CATSPERE: variants seen among roughly 807,000 people sequenced by gnomAD.
CATSPERE encodes cation channel sperm-associated auxiliary subunit epsilon.
CATSPERE carries 93 observed loss-of-function variants against 114.1 expected under a neutral mutation model. The observed-to-expected ratio is 0.81, with a 90% CI of 0.69 to 0.97. The LOEUF is 0.97. Ranked by LOEUF, CATSPERE falls within the 50% of genes least tolerant of loss-of-function variation. The pLI is 0.00. For synonymous variants in CATSPERE, 341 were observed against 384.1 expected, an observed-to-expected ratio of 0.89 and a Z score of 1.31; for missense variants, 1,058 against 1,131.6, an observed-to-expected ratio of 0.93 and a Z score of 0.93.
intron 17 of CATSPERE, among the ~76,000 whole-genome samples, chr1:244,599,608 T>G (rs1421413117): frequency 6.6e-6 from 1 of 152,218 alleles, no homozygotes; most frequent in African/African-American, 2.4e-5. Context: ...GAAAACAAAG[T>G]CAAAGCACAT....
At chr1:244,549,666 T>C (rs12080312) in intron 8 of CATSPERE, among the ~76,000 whole-genome samples, 8,958 of 152,240 alleles carry the variant, frequency 0.059, 905 homozygotes, top group African/African-American at 0.2. Context: ...TTGTACCATG[T>C]TAGGTACAAT....
chr1:244,560,469 C>T, intron 9 of CATSPERE, among the ~76,000 whole-genome samples, 199 bp from the exon 10 acceptor site: 1 of 152,008 alleles, frequency 6.6e-6, no homozygotes, highest in East Asian at 1.9e-4. Flanking sequence ...ACAGTGTACA[C>T]TGCTCAGGTG....
At chr1:244,451,688 C>T, upstream of CATSPERE, 3 of 1,612,876 alleles carry the variant, frequency 1.9e-6, no homozygotes, top group Non-Finnish European at 2.5e-6. The surrounding 1 kb of genome is among the most constrained non-coding windows in gnomAD (Gnocchi z 6.6). Context: ...ACCACCTTCC[C>T]TTTGCCTTCG....
At chr1:244,510,761 T>C (rs1675564152) in intron 7 of CATSPERE, among the ~76,000 whole-genome samples, 1 of 151,808 alleles carries the variant, frequency 6.6e-6, no homozygotes, top group Non-Finnish European at 1.5e-5. Flanking sequence ...TTAGATGTAA[T>C]TATATTTGCT....
intron 8 of CATSPERE, among the ~76,000 whole-genome samples, chr1:244,531,968 TGCTGG>T (rs955613153): frequency 2.0e-5 from 3 of 152,190 alleles, no homozygotes; most frequent in African/African-American, 7.2e-5. Flanking sequence ...GGCTTTTCTT[TGCTGG>T]GAGACTTTTT....
upstream of CATSPERE, among the ~76,000 whole-genome samples, chr1:244,458,726 C>T (rs1020714632): frequency 6.6e-6 from 1 of 152,178 alleles, no homozygotes; most frequent in Non-Finnish European, 1.5e-5. Flanking sequence ...AATTTGGAAA[C>T]TATTTGTGAA....
chr1:244,483,048 T>G lies in CATSPERE; in HGVS notation c.326+3264T>G, dbSNP rs577286194. Among the ~76,000 whole-genome samples, 3 of 152,346 alleles carry G rather than the reference T, an allele frequency of 2.0e-5. No individual in the cohort carries two copies. In the East Asian group the frequency reaches 5.8e-4, roughly 29 times the overall value. On this transcript the variant is annotated intron_variant, in intron 5 of 21. Transcript: ENST00000366534. Reference sequence around the variant, plus strand: ...TTCATTGTGACTGCTCTATGGTATTTCATTGTATGACTCTGTTCATTCTGC... The same window carrying G: ...TTCATTGTGACTGCTCTATGGTATTGCATTGTATGACTCTGTTCATTCTGC...
chr1:244,529,867 T>C (rs1679311120), intron 8 of CATSPERE, among the ~76,000 whole-genome samples: 1 of 152,158 alleles, frequency 6.6e-6, no homozygotes, highest in African/African-American at 2.4e-5. Flanking sequence ...ACTTAAGTCT[T>C]TAATTCACTT....
chr1:244,562,572 T>G (rs915083887), intron 10 of CATSPERE, among the ~76,000 whole-genome samples: 2 of 152,210 alleles, frequency 1.3e-5, no homozygotes, highest in Admixed American at 6.5e-5. Context: ...ATGTATCATT[T>G]TCATAGAATC....
At position 244,583,848 on chromosome 1, in the gene CATSPERE, G is replaced by A. The variant is rs6429487; in HGVS notation, c.2010-16G>A. The A allele has an allele frequency of 0.12, 192,444 of 1,609,724 alleles. 16,692 individuals carry two copies. Among genetic ancestry groups the A allele is most frequent in the East Asian group, 0.37 (16,603 of 44,754 alleles). ...TCTCACATGATACAATAACCTGTAC[G>A]AATTGTTTCTCCTAGAGACAAGCAC... is the stretch of plus-strand genomic sequence containing the variant. On this transcript the variant is annotated splice_polypyrimidine_tract_variant and intron_variant, in intron 12 of 21. Transcript: ENST00000366534.
chr1:244,461,179 G>C (rs1666682058), upstream of CATSPERE, among the ~76,000 whole-genome samples: 2 of 151,854 alleles, frequency 1.3e-5, no homozygotes, highest in Non-Finnish European at 2.9e-5. Context: ...GGAAAGCCTG[G>C]TTCTGCCTTT....
intron 4 of CATSPERE, among the ~76,000 whole-genome samples, chr1:244,479,228 G>T (rs1462375327): frequency 1.3e-5 from 2 of 151,766 alleles, no homozygotes; most frequent in Non-Finnish European, 2.9e-5. Flanking sequence ...GAAGTAGCTG[G>T]GATTACAGGC....
chr1:244,617,589 G>A lies in CATSPERE; in HGVS notation c.2551G>A (p.Glu851Lys), dbSNP rs1008364869. 9 of 1,542,758 alleles carry A rather than the reference G, an allele frequency of 5.8e-6. No homozygotes were observed. The highest frequency in any genetic ancestry group is 4.9e-5 in the East Asian group (2 of 40,452). Residue 851 changes from glutamate (E) to lysine (K), a missense_variant, in exon 20 of 22, where the codon GAG (glutamate) becomes AAG (lysine). Transcript: ENST00000366534. ...ACCAGGAGACTTAAATCAACCATAC[G>A]AGATTATCAACAGTTCTAATGGTAA... is the stretch of plus-strand genomic sequence containing the variant. ...GKPGDLNQPYEIINSSNGNHI... is the reference protein window; with the variant it reads ...GKPGDLNQPYKIINSSNGNHI...
rs1427942051 is a variant in CATSPERE at position 244,573,441 on chromosome 1, A to ACAAAACAAAACAAAG, written c.1950+674_1950+675insCAAAACAAAGCAAAA. Among the ~76,000 whole-genome samples the ACAAAACAAAACAAAG allele has an allele frequency of 6.6e-6, 1 of 151,936 alleles. No homozygotes were observed. Among genetic ancestry groups the ACAAAACAAAACAAAG allele is most frequent in the East Asian group, 1.9e-4 (1 of 5,176 alleles). Reference sequence around the variant, plus strand: ...ACAAAACAAAACAAAACAAAACAAAACAAAAAAACCAATTCTATCCGTCAA... The same window carrying ACAAAACAAAACAAAG: ...ACAAAACAAAACAAAACAAAACAAAACAAAACAAAACAAAGCAAAAAAACCAATTCTATCCGTCAA... On this transcript the variant is annotated intron_variant, in intron 11 of 21. Transcript: ENST00000366534. The surrounding 1 kb of genome is among the most constrained non-coding windows in gnomAD (Gnocchi z 4.0).
Position 244,591,808 on chromosome 1 carries a change from T to A in CATSPERE, c.2189+77T>A, listed in dbSNP as rs906733371. 3.9e-5 allele frequency: 34 copies of A among 878,258 alleles called. No individual in the cohort carries two copies. The East Asian group carries it at 8.6e-4, about 22-fold the overall frequency. 54.4% of individuals were successfully genotyped at this position (878,258 alleles called of 1,614,324 possible). ...TACTTTACAATCAGTACTTATTCAG[T>A]GGATTATTATTAGCATCCATGTGTT... On this transcript the variant is annotated intron_variant, in intron 15 of 21. Coordinates refer to ENST00000366534, the MANE Select transcript of CATSPERE (RefSeq NM_001130957.2).
At chr1:244,451,812 C>T (rs1391511346), upstream of CATSPERE, 6 of 1,586,180 alleles carry the variant, frequency 3.8e-6, no homozygotes, top group African/African-American at 6.7e-5. The surrounding 1 kb of genome is among the most constrained non-coding windows in gnomAD (Gnocchi z 6.6). Context: ...TCTCGGCGAA[C>T]GCCATGGCTC....
chr1:244,524,128 A>G (rs201926298), intron 8 of CATSPERE, among the ~76,000 whole-genome samples: 2 of 150,336 alleles, frequency 1.3e-5, no homozygotes, highest in African/African-American at 5.0e-5. Context: ...TGGTATTGGT[A>G]CCAAAACAGA....
intron 19 of CATSPERE, among the ~76,000 whole-genome samples, chr1:244,614,928 G>A (rs12076367): frequency 0.048 from 7,244 of 151,692 alleles, 544 homozygotes; most frequent in African/African-American, 0.17. Context: ...ATTTTTATCT[G>A]GAATGCATTT....
chr1:244,552,054 ACT>A (rs1420937238), intron 8 of CATSPERE, among the ~76,000 whole-genome samples: 3 of 96,844 alleles, frequency 3.1e-5, no homozygotes, highest in Non-Finnish European at 5.6e-5. Context: ...ACAGAGAGAC[ACT>A]CTGTCTCCAA....
Sources: gnomAD v4.1 joint callset for allele counts (sites outside exome capture counted in the v4.1 genomes callset) on GRCh38, gnomAD v4.1.1 for gene constraint, Gnocchi (gnomAD v3.1) non-coding constraint, MANE v1.5 for transcripts, NCBI Gene and HGNC (gene_info 2026-07-23, HGNC 2026-07-21) for gene names.